The following WDR25 variants were observed in gnomAD, a reference collection of about 807,000 sequenced individuals.
WDR25 encodes WD repeat-containing protein 25.
In WDR25, 35 loss-of-function variants were observed where a neutral mutation model predicts 47.7. That is an observed-to-expected ratio of 0.73 (90% CI 0.56 to 0.97). The LOEUF (loss-of-function observed/expected upper bound fraction) is 0.97, where lower values mean the gene tolerates loss of function less well. WDR25 is among the 50% of genes least tolerant of loss of function. The pLI, the probability that WDR25 is intolerant of heterozygous loss-of-function variation, is 0.00. For synonymous variants in WDR25, 248 were observed against 278.9 expected (o/e 0.89, Z 1.10); for missense variants, 634 against 704.7 (o/e 0.90, Z 1.14).
chr14:100,448,193 C>CA (rs111428141), intron 2 of WDR25, among the ~76,000 whole-genome samples: 74,423 of 110,134 alleles, frequency 0.68, 26,534 homozygotes, highest in East Asian at 0.87. Context: ...AACTCCGTCT[C>CA]AAAAAAAAAA....
At chr14:100,528,908 G>A (rs1595093584) in intron 5 of WDR25, among the ~76,000 whole-genome samples, 160 bp from the exon 6 acceptor site, 1 of 152,138 alleles carries the variant, frequency 6.6e-6, no homozygotes, top group East Asian at 2.0e-4. Flanking sequence ...TGTGAAATGT[G>A]TGTGTCTTGA....
intron 1 of WDR25, among the ~76,000 whole-genome samples, chr14:100,378,564 C>G (rs1289058592): frequency 3.9e-5 from 6 of 152,148 alleles, no homozygotes; most frequent in Non-Finnish European, 7.3e-5. Context: ...CAGAATTGCT[C>G]CCTGCACACT....
chr14:100,493,089 T>G (rs921799054), intron 4 of WDR25, among the ~76,000 whole-genome samples: 25 of 152,240 alleles, frequency 1.6e-4, no homozygotes, highest in African/African-American at 5.8e-4. Flanking sequence ...ATTACAAGTG[T>G]GAGCCACCAC....
At chr14:100,434,307 A>G (rs1256615127) in intron 2 of WDR25, among the ~76,000 whole-genome samples, 1 of 151,924 alleles carries the variant, frequency 6.6e-6, no homozygotes, top group Non-Finnish European at 1.5e-5. Context: ...GCCCTTTTCC[A>G]TTTCCATATT....
In WDR25 at chr14:100,381,570, G is replaced by C; in HGVS notation, c.646G>C (p.Gly216Arg). 6.2e-7 allele frequency: 1 copy of C among 1,609,812 alleles called. No individual in the cohort carries two copies. Among genetic ancestry groups the C allele is most frequent in the Non-Finnish European group, 8.5e-7 (1 of 1,177,062 alleles). The change falls in exon 2 of 7, where the codon GGA (glycine) becomes CGA (arginine). Residue 216 changes from glycine (G) to arginine (R), a missense_variant. By Grantham distance (125) the Gly-to-Arg change is moderately radical. Coordinates refer to ENST00000402312, the MANE Select transcript of WDR25 (RefSeq NM_001161476.3). ...CCCAGCCCCTCTCTACGTGGGCCCG[G>C]GAGTGTCTGAGTTTATTCAGCCATA... ...RAPAPLYVGP[G>R]VSEFIQPYLN...
chr14:100,509,576 A>T (rs1270494619), intron 4 of WDR25, among the ~76,000 whole-genome samples: 1 of 152,048 alleles, frequency 6.6e-6, no homozygotes, highest in Admixed American at 6.5e-5. Context: ...TTATACTTTT[A>T]TGGAAATATA....
At chr14:100,480,278 C>T (rs971270074) in intron 3 of WDR25, among the ~76,000 whole-genome samples, 4 of 152,208 alleles carry the variant, frequency 2.6e-5, no homozygotes, top group African/African-American at 9.6e-5. Context: ...CAGTTCTTGA[C>T]AACATTGTGC....
In WDR25 at chr14:100,526,399, T is replaced by C. The variant is rs536013152; in HGVS notation, c.1272+359T>C. On this transcript the variant is annotated intron_variant, in intron 5 of 6. Coordinates refer to ENST00000402312, the MANE Select transcript of WDR25 (RefSeq NM_001161476.3). ...AAGGGGTTTCTGACCCTCAGTGGCA[T>C]TGGCAGTTGATGTAGCCCAGGAGTT... is the stretch of plus-strand genomic sequence containing the variant. Among the ~76,000 whole-genome samples, 5 of 152,138 alleles carry C rather than the reference T, an allele frequency of 3.3e-5. No individual in the cohort carries two copies. In the East Asian group the frequency reaches 9.7e-4, roughly 29 times the overall value.
intron 4 of WDR25, among the ~76,000 whole-genome samples, chr14:100,491,711 T>C (rs2140332707): frequency 6.6e-6 from 1 of 152,368 alleles, no homozygotes; most frequent in Middle Eastern, 3.4e-3. Flanking sequence ...CGTTTTGTTC[T>C]TGGAGAAGCC....
At chr14:100,464,210 T>C (rs1899525103) in intron 2 of WDR25, among the ~76,000 whole-genome samples, 1 of 152,180 alleles carries the variant, frequency 6.6e-6, no homozygotes, top group African/African-American at 2.4e-5. Flanking sequence ...CATACTCCTG[T>C]CACTGCCTGG....
intron 2 of WDR25, among the ~76,000 whole-genome samples, chr14:100,383,244 C>T (rs556020801): frequency 6.6e-6 from 1 of 152,288 alleles, no homozygotes; most frequent in East Asian, 1.9e-4. Flanking sequence ...CAGGATTTTC[C>T]ACTTAGGTCT....
chr14:100,471,648 GA>G (rs1899841118), intron 3 of WDR25, among the ~76,000 whole-genome samples: 1 of 152,182 alleles, frequency 6.6e-6, no homozygotes. Flanking sequence ...AGCGCTTTGG[GA>G]ATTAGTCACT....
chr14:100,386,899 A>G (rs561157730), intron 2 of WDR25, among the ~76,000 whole-genome samples: 3 of 152,168 alleles, frequency 2.0e-5, no homozygotes, highest in Non-Finnish European at 4.4e-5. Context: ...TCTCAGAAAA[A>G]AAAAGAAAAA....
chr14:100,505,704 C>T (rs1267267947), intron 4 of WDR25, among the ~76,000 whole-genome samples: 1 of 152,116 alleles, frequency 6.6e-6, no homozygotes, highest in African/African-American at 2.4e-5. Flanking sequence ...ATGAACATAG[C>T]ACATCTCTTC....
chr14:100,453,684 G>T (rs1032101718), intron 2 of WDR25, among the ~76,000 whole-genome samples: 2 of 152,158 alleles, frequency 1.3e-5, no homozygotes, highest in Admixed American at 6.5e-5. Flanking sequence ...GCACCTGCTG[G>T]GGGACTGGGC....
At chr14:100,446,134 A>C (rs905841371) in intron 2 of WDR25, among the ~76,000 whole-genome samples, 4 of 152,196 alleles carry the variant, frequency 2.6e-5, no homozygotes, top group African/African-American at 9.7e-5. Flanking sequence ...GGTAGCCATG[A>C]AGCTCAGTTG....
Position 100,386,200 on chromosome 14 carries a change from A to G in WDR25, c.822+4454A>G, listed in dbSNP as rs1384975400. ...ATGAATGTAATAGATGCTTATTGTG[A>G]AAAACTTTAATGATGCAGGAAATAT... On this transcript the variant is annotated intron_variant, in intron 2 of 6. Transcript: ENST00000402312. Among the ~76,000 whole-genome samples, 3 of 152,264 alleles carry G rather than the reference A, an allele frequency of 2.0e-5. No homozygotes were observed. In the East Asian group the frequency reaches 5.8e-4, roughly 29 times the overall value.
At chr14:100,521,199 C>CAG (rs1234591519) in intron 4 of WDR25, among the ~76,000 whole-genome samples, 173 of 151,762 alleles carry the variant, frequency 1.1e-3, no homozygotes, top group African/African-American at 4.1e-3. Flanking sequence ...CACACACACA[C>CAG]ACACAGAGAG....
intron 2 of WDR25, among the ~76,000 whole-genome samples, chr14:100,385,053 T>C (rs1896988612): frequency 6.6e-6 from 1 of 152,230 alleles, no homozygotes; most frequent in Non-Finnish European, 1.5e-5. Context: ...ACTTAGTGTG[T>C]GCTCGAGTTC....
Sources: allele counts gnomAD v4.1 joint callset (sites outside exome capture counted in the v4.1 genomes callset), GRCh38; gene constraint gnomAD v4.1.1; transcripts MANE v1.5; gene names NCBI Gene and HGNC (gene_info 2026-07-23, HGNC 2026-07-21).